USH2A: variants seen among roughly 807,000 people sequenced by gnomAD.
USH2A encodes the protein Usher syndrome 2A (autosomal recessive, mild).
A neutral mutation model predicts 538.9 loss-of-function variants in USH2A; 443 were observed. The ratio of observed to expected loss-of-function variants is 0.82; its 90% CI spans 0.76 to 0.89. The LOEUF is 0.89. USH2A is among the 40% of genes least tolerant of loss of function. The pLI is 0.00. For synonymous variants in USH2A, 2,413 were observed against 2,273.5 expected (o/e 1.06, Z -1.75); for missense variants, 6,633 against 6,324.8 (o/e 1.05, Z -1.65).
At chr1:216,041,039 A>G (rs1026733480) in intron 32 of USH2A, among the ~76,000 whole-genome samples, 5 of 152,082 alleles carry the variant, frequency 3.3e-5, no homozygotes, top group Non-Finnish European at 7.4e-5. Flanking sequence ...TTAGTAATAC[A>G]TAATGTGGTA....
At chr1:215,895,137 A>G (rs965543579) in intron 40 of USH2A, among the ~76,000 whole-genome samples, 3 of 152,258 alleles carry the variant, frequency 2.0e-5, no homozygotes, top group East Asian at 1.9e-4. Flanking sequence ...TGCAACTTTC[A>G]TATCTCTTTT....
chr1:215,987,580 CATA>C (rs1667901140), intron 35 of USH2A, among the ~76,000 whole-genome samples: 1 of 152,134 alleles, frequency 6.6e-6, no homozygotes, highest in Admixed American at 6.5e-5. Context: ...TTAAGCAGGA[CATA>C]TTTGAAGGCA....
At chr1:215,888,283 C>T (rs1665115926) in intron 41 of USH2A, 143 bp downstream of exon 41, 1 of 1,298,240 alleles carries the variant, frequency 7.7e-7, no homozygotes, top group South Asian at 1.3e-5. Flanking sequence ...TAGTTTGGGC[C>T]AAAGGCCAAA....
chr1:215,735,712 TA>T (rs1236812081), intron 60 of USH2A, among the ~76,000 whole-genome samples: 1 of 151,996 alleles, frequency 6.6e-6, no homozygotes, highest in Non-Finnish European at 1.5e-5. Flanking sequence ...CATATATATG[TA>T]AAAAATATAC....
Position 215,628,971 on chromosome 1 carries a change from G to T in USH2A, c.15362C>A (p.Ala5121Glu). Residue 5121 changes from alanine (A) to glutamate (E), a missense_variant, in exon 71 of 72, where the codon GCA (alanine) becomes GAA (glutamate). Physicochemically the swap from Ala to Glu is moderately radical, Grantham distance 107. Coordinates refer to ENST00000307340, the MANE Select transcript of USH2A (RefSeq NM_206933.4). The part of the protein sequence containing the change: ...TPVSIRSNRS[A>E]CVLRIPSQNQ... ...TTGACTCGGGATGCGCAGGACACATGCACTCCGGTTGCTGCGGATACTCAC... is the reference window on the plus strand; with the variant it reads ...TTGACTCGGGATGCGCAGGACACATTCACTCCGGTTGCTGCGGATACTCAC... The T allele has an allele frequency of 1.2e-6, 2 of 1,614,054 alleles. No homozygotes were observed. The highest frequency in any genetic ancestry group is 1.7e-6 in the Non-Finnish European group (2 of 1,180,048).
At chr1:216,393,467 G>C (rs1209782902) in intron 3 of USH2A, among the ~76,000 whole-genome samples, 1 of 152,026 alleles carries the variant, frequency 6.6e-6, no homozygotes, top group Non-Finnish European at 1.5e-5. Flanking sequence ...AATACCTTAA[G>C]GTTTTAGTTG....
At chr1:216,173,828 T>C (rs985938265) in intron 21 of USH2A, 3 of 419,402 alleles carry the variant, frequency 7.2e-6, no homozygotes, top group Non-Finnish European at 9.6e-6. Flanking sequence ...ATGCTATTTC[T>C]TGGAAGAAAC....
chr1:215,791,335 C>T (rs994391449), intron 50 of USH2A, among the ~76,000 whole-genome samples: 2 of 152,160 alleles, frequency 1.3e-5, no homozygotes, highest in South Asian at 4.1e-4. Flanking sequence ...TAAAGAACCT[C>T]AAATTCAAAG....
intron 61 of USH2A, among the ~76,000 whole-genome samples, 161 bp downstream of exon 61, chr1:215,727,869 C>T (rs146067843): frequency 1.3e-5 from 2 of 152,314 alleles, no homozygotes; most frequent in African/African-American, 4.8e-5. Flanking sequence ...ATACTCAGTT[C>T]AGTATCTTAT....
At chr1:215,708,382 A>AT (rs1436122340) in intron 61 of USH2A, among the ~76,000 whole-genome samples, 2 of 152,306 alleles carry the variant, frequency 1.3e-5, no homozygotes, top group East Asian at 3.9e-4. Context: ...GAATGAATCA[A>AT]TTAAGTTCTG....
At chr1:216,040,875 G>A (rs1299423476) in intron 32 of USH2A, among the ~76,000 whole-genome samples, 1 of 151,554 alleles carries the variant, frequency 6.6e-6, no homozygotes, top group Non-Finnish European at 1.5e-5. Flanking sequence ...GGAGATCTTG[G>A]AAAAAAAGAT....
In USH2A at chr1:216,078,117, G is replaced by C. The variant is rs2031813937; in HGVS notation, c.5544C>G (p.Asn1848Lys). 1.2e-6 allele frequency: 2 copies of C among 1,613,638 alleles called. No homozygotes were observed. The highest frequency in any genetic ancestry group is 1.7e-6 in the Non-Finnish European group (2 of 1,179,754). ...YVGGIPQELLNSYQHLCLEQG... is the reference protein window; with the variant it reads ...YVGGIPQELLKSYQHLCLEQG... ...GTTCCAAACACAAATGTTGATAAGA[G>C]TTCAGCAGTTCCTGTGGGATTCCTC... is the stretch of plus-strand genomic sequence containing the variant. Residue 1848 changes from asparagine (N) to lysine (K), a missense_variant, in exon 27 of 72, where the codon AAC becomes AAG. Coordinates refer to ENST00000307340, the MANE Select transcript of USH2A (RefSeq NM_206933.4).
rs199825458 is a variant in USH2A, at chr1:215,934,760, C to G, written c.7156G>C (p.Val2386Leu). 6.2e-7 allele frequency: 1 copy of G among 1,612,508 alleles called. No individual in the cohort carries two copies. The highest frequency in any genetic ancestry group is 8.5e-7 in the Non-Finnish European group (1 of 1,178,958). The change falls in exon 38 of 72, where the codon GTC (valine) becomes CTC (leucine). Residue 2386 changes from valine (V) to leucine (L), a missense_variant. Coordinates refer to ENST00000307340, the MANE Select transcript of USH2A (RefSeq NM_206933.4). Reference sequence around the variant, plus strand: ...TTTGTCTCTTCTCCGCTGTACATGACTTTTGTGACATTCAGAAGGGTGTAG... The same window carrying G: ...TTTGTCTCTTCTCCGCTGTACATGAGTTTTGTGACATTCAGAAGGGTGTAG... ...NNYTLLNVTK[V>L]MYSGEETNLW...
intron 61 of USH2A, among the ~76,000 whole-genome samples, chr1:215,693,932 T>A (rs1167940532): frequency 6.6e-6 from 1 of 152,194 alleles, no homozygotes; most frequent in Non-Finnish European, 1.5e-5. Flanking sequence ...CAGCTCCAAA[T>A]AAAGATGAAT....
intron 61 of USH2A, among the ~76,000 whole-genome samples, chr1:215,700,099 T>C (rs1238820851): frequency 6.6e-6 from 1 of 152,182 alleles, no homozygotes; most frequent in Non-Finnish European, 1.5e-5. Context: ...GTTTTTGTGA[T>C]AGATTATGTT....
chr1:216,255,529 G>C (rs959264571), intron 11 of USH2A, among the ~76,000 whole-genome samples: 1 of 152,178 alleles, frequency 6.6e-6, no homozygotes, highest in Middle Eastern at 3.4e-3. Flanking sequence ...CAAATATTTA[G>C]AGTAATTCCA....
intron 57 of USH2A, 34 bp downstream of exon 57, chr1:215,759,626 G>T (rs747163772): frequency 6.2e-7 from 1 of 1,610,842 alleles, no homozygotes. Flanking sequence ...TACAAATCCT[G>T]CTGTATGATT....
chr1:216,397,767 T>C (rs2039236776), intron 3 of USH2A, among the ~76,000 whole-genome samples: 1 of 152,232 alleles, frequency 6.6e-6, no homozygotes, highest in African/African-American at 2.4e-5. Context: ...TTTGAAGCTT[T>C]GGGACTTGGA....
chr1:216,060,634 C>A (rs922072639), intron 30 of USH2A, among the ~76,000 whole-genome samples: 3 of 152,128 alleles, frequency 2.0e-5, no homozygotes, highest in African/African-American at 7.2e-5. Context: ...AACCCCTAGA[C>A]TTTAGCTCAA....
Sources: gnomAD v4.1 joint callset for allele counts (sites outside exome capture counted in the v4.1 genomes callset) on GRCh38, gnomAD v4.1.1 for gene constraint, MANE v1.5 for transcripts, NCBI Gene and HGNC (gene_info 2026-07-23, HGNC 2026-07-21) for gene names.